PSME4: variants seen among roughly 807,000 people sequenced by gnomAD.
PSME4 encodes proteasome activator complex subunit 4.
In PSME4, 89 loss-of-function variants were observed where a neutral mutation model predicts 253.9. The observed-to-expected ratio is 0.35, with a 90% CI of 0.30 to 0.42. PSME4 has a LOEUF of 0.42. PSME4 is among the 10% of genes least tolerant of loss of function. The probability of loss-of-function intolerance (pLI) is 1.00; values close to 1 mark genes in which losing one functional copy is unlikely to be tolerated. For missense variants in PSME4, 2,014 were observed against 2,195.2 expected (o/e 0.92, Z 1.65); for synonymous variants, 851 against 759.2 (o/e 1.12, Z -1.99).
At chr2:53,953,477 CCAT>C (rs1670092484) in intron 1 of PSME4, among the ~76,000 whole-genome samples, 1 of 125,188 alleles carries the variant, frequency 8.0e-6, no homozygotes, top group Admixed American at 8.9e-5. Flanking sequence ...TGGTGAAACC[CCAT>C]GTCTATTAAA....
intron 20 of PSME4, among the ~76,000 whole-genome samples, chr2:53,915,079 T>G (rs2104446560): frequency 6.6e-6 from 1 of 152,208 alleles, no homozygotes; most frequent in Middle Eastern, 3.4e-3. Context: ...CAATGAGATT[T>G]TAAGACCATC....
chr2:53,940,946 TATATAC>T (rs1402469702), intron 3 of PSME4, among the ~76,000 whole-genome samples: 1,097 of 36,382 alleles, frequency 0.03, 120 homozygotes, highest in African/African-American at 0.099. Flanking sequence ...TATAAATATA[TATATAC>T]ATATATATAT....
intron 3 of PSME4, among the ~76,000 whole-genome samples, chr2:53,945,738 C>G (rs1184940244): frequency 6.6e-6 from 1 of 152,106 alleles, no homozygotes; most frequent in African/African-American, 2.4e-5. Flanking sequence ...CAATCTTTCA[C>G]TTTTGATTAT....
intron 1 of PSME4, among the ~76,000 whole-genome samples, chr2:53,961,456 A>G (rs1204832559): frequency 6.6e-6 from 1 of 152,160 alleles, no homozygotes; most frequent in Non-Finnish European, 1.5e-5. Flanking sequence ...ATTTGAGCCC[A>G]GGAGTTTGCG....
chr2:53,919,378 T>C, intron 19 of PSME4, 132 bp from the exon 20 acceptor site: 1 of 1,237,338 alleles, frequency 8.1e-7, no homozygotes. Context: ...GTCTTCAGTT[T>C]ACCAACTTAA....
intron 12 of PSME4, among the ~76,000 whole-genome samples, 176 bp from the exon 13 acceptor site, chr2:53,926,199 TCTA>T (rs1304860025): frequency 6.6e-6 from 1 of 152,166 alleles, no homozygotes; most frequent in Non-Finnish European, 1.5e-5. Context: ...AACAACTTCA[TCTA>T]CTACTTTCTA....
chr2:53,882,425 G>A (rs1232483732), intron 41 of PSME4, among the ~76,000 whole-genome samples: 2 of 152,158 alleles, frequency 1.3e-5, no homozygotes. Context: ...ATAATTCCTT[G>A]TTATCAGACT....
At chr2:53,884,931 C>A (rs994369179) in intron 41 of PSME4, among the ~76,000 whole-genome samples, 2 of 152,176 alleles carry the variant, frequency 1.3e-5, no homozygotes, top group Non-Finnish European at 2.9e-5. Flanking sequence ...ACAAAATATA[C>A]TATAGCAAAT....
chr2:53,915,625 T>C (rs1668024610), intron 20 of PSME4, among the ~76,000 whole-genome samples: 1 of 152,042 alleles, frequency 6.6e-6, no homozygotes. Context: ...TCTTTTTGTT[T>C]GTTTTGTTTT....
chr2:53,954,049 G>A (rs1323767739), intron 1 of PSME4, among the ~76,000 whole-genome samples: 1 of 152,178 alleles, frequency 6.6e-6, no homozygotes, highest in Non-Finnish European at 1.5e-5. Flanking sequence ...CAGTGGGCTG[G>A]CCGGGCGCGG....
chr2:53,941,602 C>G (rs1669458200), intron 3 of PSME4, among the ~76,000 whole-genome samples: 1 of 151,962 alleles, frequency 6.6e-6, no homozygotes, highest in Non-Finnish European at 1.5e-5. Context: ...CATTTTATAT[C>G]AGAGTAACAA....
In PSME4 at chr2:53,910,133, G is replaced by A. The variant is rs767293181; in HGVS notation, c.2517-3C>T. On this transcript the variant is annotated splice_region_variant and splice_polypyrimidine_tract_variant and intron_variant, in intron 20 of 46. Coordinates refer to ENST00000404125, the MANE Select transcript of PSME4 (RefSeq NM_014614.3). Reference sequence around the variant, plus strand: ...CCAAGGACACCATACTTGGTACTCTGTATAAAAACAAGAGTGCTTGCATTT... The same window carrying A: ...CCAAGGACACCATACTTGGTACTCTATATAAAAACAAGAGTGCTTGCATTT... 1 of 1,603,974 alleles carries A rather than the reference G, an allele frequency of 6.2e-7. No individual in the cohort carries two copies. Among genetic ancestry groups the A allele is most frequent in the Admixed American group, 1.7e-5 (1 of 59,996 alleles).
Position 53,920,237 on chromosome 2 carries a change from G to C in PSME4, c.2376C>G (p.Leu792=). The C allele has an allele frequency of 1.2e-6, 2 of 1,613,234 alleles. No homozygotes were observed. Among genetic ancestry groups the C allele is most frequent in the South Asian group, 2.2e-5 (2 of 90,952 alleles). ...CATCCCCACAATGCTGGAGTTTGACGAGCTCAGGCTGAAGAAAGGAGTCCA... is the reference window on the plus strand; with the variant it reads ...CATCCCCACAATGCTGGAGTTTGACCAGCTCAGGCTGAAGAAAGGAGTCCA... ...YLLDSFLQPE[L]VKLQHCGDGK... is the part of the protein sequence containing the mutation. The change falls in exon 19 of 47, where the codon CTC becomes CTG. Residue 792 remains leucine (L), a synonymous_variant. Transcript: ENST00000404125.
chr2:53,864,956 C>T lies in PSME4; in HGVS notation c.*622G>A, dbSNP rs1275283401. On this transcript the variant is annotated 3_prime_UTR_variant, in exon 47 of 47. Transcript: ENST00000404125. ...CACCAAACCCCCAATTTTTTAGCAA[C>T]TGGCTCTATTCAGCACCAAAAACTC... 3 of 152,622 alleles carry T rather than the reference C, an allele frequency of 2.0e-5. No homozygotes were observed. Among genetic ancestry groups the T allele is most frequent in the Non-Finnish European group, 2.9e-5 (2 of 68,040 alleles). 9.5% of individuals were successfully genotyped at this position (152,622 alleles called of 1,614,324 possible).
intron 7 of PSME4, among the ~76,000 whole-genome samples, chr2:53,935,019 C>G (rs891387295): frequency 6.6e-6 from 1 of 152,196 alleles, no homozygotes; most frequent in African/African-American, 2.4e-5. Context: ...TATAAAAAGA[C>G]AAAAACATAC....
intron 37 of PSME4, 96 bp downstream of exon 37, chr2:53,890,008 A>G: frequency 1.0e-6 from 1 of 958,978 alleles, no homozygotes; most frequent in South Asian, 1.5e-5. Flanking sequence ...ACCCAAAAAG[A>G]TTTAAGAAGT....
intron 19 of PSME4, among the ~76,000 whole-genome samples, 184 bp downstream of exon 19, chr2:53,920,009 A>G (rs1339196216): frequency 6.6e-6 from 1 of 152,222 alleles, no homozygotes; most frequent in African/African-American, 2.4e-5. Context: ...TTTTGGGTTT[A>G]AAATGTTTAA....
intron 43 of PSME4, chr2:53,869,883 C>A (rs1199239737): frequency 6.2e-6 from 1 of 161,488 alleles, no homozygotes; most frequent in Non-Finnish European, 1.3e-5. Flanking sequence ...TTTCCAGACT[C>A]TACATCTCTG....
chr2:53,878,276 C>T (rs1270692042), intron 41 of PSME4, among the ~76,000 whole-genome samples: 2 of 152,226 alleles, frequency 1.3e-5, no homozygotes, highest in East Asian at 3.8e-4. Flanking sequence ...ATCACTTCCC[C>T]AATCAATACT....
Sources: gnomAD v4.1 joint callset for allele counts (sites outside exome capture counted in the v4.1 genomes callset) on GRCh38, gnomAD v4.1.1 for gene constraint, MANE v1.5 for transcripts, NCBI Gene and HGNC (gene_info 2026-07-23, HGNC 2026-07-21) for gene names.